The following CTPS2 variants were observed in gnomAD, a reference collection of about 807,000 sequenced individuals.
CTPS2 encodes CTP synthase II.
A neutral mutation model predicts 46.8 loss-of-function variants in CTPS2; 19 were observed. The ratio of observed to expected loss-of-function variants is 0.41; its 90% CI spans 0.28 to 0.60. The LOEUF (loss-of-function observed/expected upper bound fraction) is 0.60, where lower values mean the gene tolerates loss of function less well. Among genes scored for constraint, CTPS2 ranks in the 20% least tolerant of loss-of-function variants. CTPS2 has a pLI of 0.35. For synonymous variants in CTPS2, 151 were observed against 165.2 expected (o/e 0.91, Z 0.66); for missense variants, 286 against 447.6 (o/e 0.64, Z 3.26).
At chrX:16,704,675 C>T (rs1366202776) in intron 1 of CTPS2, among the ~76,000 whole-genome samples, 8 of 111,307 alleles carry the variant, frequency 7.2e-5, no homozygotes, top group Admixed American at 9.6e-5. Context: ...CCGCCGGGCA[C>T]GGTGGCTCAC....
intron 17 of CTPS2, among the ~76,000 whole-genome samples, chrX:16,598,363 T>C (rs1456522321): frequency 9.0e-6 from 1 of 111,209 alleles, no homozygotes; most frequent in Middle Eastern, 4.2e-3. Flanking sequence ...CAATAAAAAA[T>C]GATAAAGGGG....
intron 1 of CTPS2, among the ~76,000 whole-genome samples, chrX:16,703,230 T>C (rs1924720515): frequency 9.1e-6 from 1 of 110,114 alleles, no homozygotes; most frequent in African/African-American, 3.3e-5. Context: ...TTTCACCATG[T>C]TGCCCACGCT....
chrX:16,624,292 C>T (rs1009620967), intron 14 of CTPS2, among the ~76,000 whole-genome samples: 3 of 112,000 alleles, frequency 2.7e-5, no homozygotes, highest in Non-Finnish European at 5.6e-5. Flanking sequence ...TAATCCATTG[C>T]TATACCTGTG....
At chrX:16,703,945 T>C (rs770035112) in intron 1 of CTPS2, among the ~76,000 whole-genome samples, 4 of 107,658 alleles carry the variant, frequency 3.7e-5, no homozygotes, top group African/African-American at 1.4e-4. Context: ...TTTTTTTTTT[T>C]TTCTTTTTTT....
chrX:16,697,728 C>T lies in CTPS2; in HGVS notation c.438+508G>A, dbSNP rs1026315258. Among the ~76,000 whole-genome samples the T allele has an allele frequency of 2.7e-5, 3 of 111,384 alleles. No individual in the cohort carries two copies. The Admixed American group carries it at 2.9e-4, about 11-fold the overall frequency. On this transcript the variant is annotated intron_variant, in intron 4 of 18. Transcript: ENST00000359276. ...AAAATGCCGGAATTGCAGGCATGAG[C>T]CACCTCGCGCAGCCACTAGCTTCTT...
intron 13 of CTPS2, among the ~76,000 whole-genome samples, chrX:16,666,032 G>A (rs764650850): frequency 6.2e-5 from 7 of 112,626 alleles, no homozygotes; most frequent in African/African-American, 1.9e-4. Context: ...GATTACAGGC[G>A]TGAGCCACCG....
At chrX:16,712,206 G>C (rs762919168) in intron 1 of CTPS2, 129 bp downstream of exon 1, 1 of 112,427 alleles carries the variant, frequency 8.9e-6, no homozygotes, top group Admixed American at 9.3e-5. Flanking sequence ...CCATCAGAGA[G>C]CGGACAAAGG....
At chrX:16,631,505 T>C (rs1931468047) in intron 14 of CTPS2, among the ~76,000 whole-genome samples, 1 of 111,555 alleles carries the variant, frequency 9.0e-6, no homozygotes, top group South Asian at 3.7e-4. Context: ...GACAACACAG[T>C]GAAACCCTGT....
intron 2 of CTPS2, among the ~76,000 whole-genome samples, chrX:16,700,231 C>T (rs1156656787): frequency 1.9e-5 from 2 of 107,987 alleles, no homozygotes; most frequent in African/African-American, 3.4e-5. Flanking sequence ...ATTCTCCTGC[C>T]TCAGCCTCCT....
intron 13 of CTPS2, among the ~76,000 whole-genome samples, chrX:16,664,876 G>A (rs977444245): frequency 9.0e-6 from 1 of 111,693 alleles, no homozygotes; most frequent in African/African-American, 3.3e-5. Context: ...CCCAAATGCC[G>A]ATAGCACAGA....
At chrX:16,657,975 G>A (rs1319198085) in intron 13 of CTPS2, among the ~76,000 whole-genome samples, 4 of 111,881 alleles carry the variant, frequency 3.6e-5, no homozygotes, top group Non-Finnish European at 7.5e-5. Context: ...GGAGGCTGAG[G>A]CAGGTGGATC....
In CTPS2 at chrX:16,698,920, T is replaced by C; in HGVS notation, c.337+3A>G. 1 of 1,192,853 alleles carries C rather than the reference T, an allele frequency of 8.4e-7. No individual in the cohort carries two copies. The highest frequency in any genetic ancestry group is 1.1e-6 in the Non-Finnish European group (1 of 885,072). ...GCTCCATAATGTCTGTGGAATATAATACCTTGCACTGTTTTCCCCAGGTAA... is the reference window on the plus strand; with the variant it reads ...GCTCCATAATGTCTGTGGAATATAACACCTTGCACTGTTTTCCCCAGGTAA... On this transcript the variant is annotated splice_donor_region_variant and intron_variant, in intron 3 of 18. Coordinates refer to ENST00000359276, the MANE Select transcript of CTPS2 (RefSeq NM_175859.3).
chrX:16,636,066 A>G (rs1931727107), intron 14 of CTPS2, among the ~76,000 whole-genome samples: 1 of 112,385 alleles, frequency 8.9e-6, no homozygotes, highest in Non-Finnish European at 1.9e-5. Context: ...GTACTGATAC[A>G]TGCTACAATG....
intron 14 of CTPS2, chrX:16,627,050 T>C: frequency 8.6e-6 from 1 of 115,762 alleles, no homozygotes; most frequent in African/African-American, 3.2e-5. Flanking sequence ...GCCATTATTT[T>C]CGACGGCAAA....
At chrX:16,639,818 AAAGAAAGAAAG>A (rs1931979746) in intron 13 of CTPS2, among the ~76,000 whole-genome samples, 2 of 109,963 alleles carry the variant, frequency 1.8e-5, no homozygotes, top group South Asian at 3.9e-4. Flanking sequence ...AGAAAGAAAG[AAAGAAAGAAAG>A]AAGAAAAGAA....
rs767112293 is a variant in CTPS2, at chrX:16,609,693, G to A, written c.1547-8C>T. 2.5e-6 allele frequency: 3 copies of A among 1,204,241 alleles called. No homozygotes were observed. The highest frequency in any genetic ancestry group is 3.4e-6 in the Non-Finnish European group (3 of 890,959). ...CAACAAAATAAGGATGATCTGAAAT[G>A]AGAACAATCACGATGCGATTAAAGC... On this transcript the variant is annotated splice_polypyrimidine_tract_variant and splice_region_variant and intron_variant, in intron 16 of 18. Transcript: ENST00000359276.
intron 14 of CTPS2, among the ~76,000 whole-genome samples, chrX:16,631,920 G>A (rs1008353700): frequency 4.5e-5 from 5 of 111,562 alleles, no homozygotes; most frequent in Non-Finnish European, 9.4e-5. Context: ...TATTAACTTA[G>A]TTCCTCAGTG....
intron 1 of CTPS2, among the ~76,000 whole-genome samples, chrX:16,704,852 AAGAGAGAATCGCTTGAACCTGGGAGGC>A (rs376407629): frequency 0.016 from 1,792 of 111,163 alleles, 42 homozygotes; most frequent in African/African-American, 0.056. Flanking sequence ...AAGGCTGAGG[AAGAGAGAATCGCTTGAACCTGGGAGGC>A]AGAGGTTGCA....
intron 11 of CTPS2, 98 bp downstream of exon 11, chrX:16,670,482 A>G (rs1019111123): frequency 6.8e-5 from 41 of 604,831 alleles, no homozygotes; most frequent in South Asian, 1.3e-4. Context: ...TTCAAATCCG[A>G]GTTCACACCT....
Sources: gnomAD v4.1 joint callset for allele counts (sites outside exome capture counted in the v4.1 genomes callset) on GRCh38, gnomAD v4.1.1 for gene constraint, MANE v1.5 for transcripts, NCBI Gene and HGNC (gene_info 2026-07-23, HGNC 2026-07-21) for gene names.